The following APBB1IP variants were observed in gnomAD, a reference collection of about 807,000 sequenced individuals.
APBB1IP encodes amyloid beta A4 precursor protein-binding family B member 1-interacting protein.
In APBB1IP, 27 loss-of-function variants were observed where a neutral mutation model predicts 64.9. The ratio of observed to expected loss-of-function variants is 0.42; its 90% CI spans 0.31 to 0.57. APBB1IP has a LOEUF of 0.57. Ranked by LOEUF, APBB1IP falls within the 20% of genes least tolerant of loss-of-function variation. The pLI, the probability that APBB1IP is intolerant of heterozygous loss-of-function variation, is 0.20. For missense variants in APBB1IP, 812 were observed against 845.5 expected, an observed-to-expected ratio of 0.96 and a Z score of 0.49; for synonymous variants, 392 against 331.0, an observed-to-expected ratio of 1.18 and a Z score of -2.00.
chr10:26,465,631 T>G (rs1321373048), intron 2 of APBB1IP, among the ~76,000 whole-genome samples: 1 of 152,224 alleles, frequency 6.6e-6, no homozygotes, highest in Non-Finnish European at 1.5e-5. Context: ...ATTGTTAATG[T>G]TCATCACTTA....
chr10:26,540,355 G>C (rs778637547), intron 10 of APBB1IP, among the ~76,000 whole-genome samples: 1 of 152,126 alleles, frequency 6.6e-6, no homozygotes, highest in African/African-American at 2.4e-5. Flanking sequence ...AAGGCGGATC[G>C]CTTGAGCTCA....
intron 8 of APBB1IP, among the ~76,000 whole-genome samples, chr10:26,530,703 T>A (rs1004130438): frequency 6.6e-6 from 1 of 151,084 alleles, no homozygotes. Context: ...AAAAAAAAAA[T>A]TATTTAATAA....
At position 26,438,698 on chromosome 10, in the gene APBB1IP, C is replaced by G. The variant is rs1364596594; in HGVS notation, c.-156C>G. 1 of 152,242 alleles carries G rather than the reference C, an allele frequency of 6.6e-6. No individual in the cohort carries two copies. The highest frequency in any genetic ancestry group is 1.5e-5 in the Non-Finnish European group (1 of 68,110). The allele number at this position is 152,242 out of a possible 1,614,324, so 9.4% of individuals were successfully genotyped here. Reference sequence around the variant, plus strand: ...GCAAAGCAGCTCGGATAGCGCCACACGTCTGCGCGCTGCGTGGGAAGGGCA... The same window carrying G: ...GCAAAGCAGCTCGGATAGCGCCACAGGTCTGCGCGCTGCGTGGGAAGGGCA... On this transcript the variant is annotated 5_prime_UTR_variant, in exon 2 of 15. Coordinates refer to ENST00000376236, the MANE Select transcript of APBB1IP (RefSeq NM_019043.4).
intron 8 of APBB1IP, among the ~76,000 whole-genome samples, chr10:26,522,050 C>G (rs1209849765): frequency 6.6e-6 from 1 of 152,184 alleles, no homozygotes; most frequent in Non-Finnish European, 1.5e-5. Context: ...TGCACCCAGC[C>G]TACAAGTTTA....
At chr10:26,497,984 C>T (rs1457417621) in intron 4 of APBB1IP, among the ~76,000 whole-genome samples, 5 of 152,080 alleles carry the variant, frequency 3.3e-5, no homozygotes, top group Non-Finnish European at 7.4e-5. Context: ...GTTTCAGCCT[C>T]CCAAAGTGCT....
chr10:26,493,497 C>T (rs1835982706), intron 3 of APBB1IP, among the ~76,000 whole-genome samples: 1 of 152,174 alleles, frequency 6.6e-6, no homozygotes, highest in Non-Finnish European at 1.5e-5. Context: ...AATAAACGTC[C>T]ATGAAATCTT....
intron 8 of APBB1IP, among the ~76,000 whole-genome samples, chr10:26,527,559 GA>G (rs946509710): frequency 6.9e-6 from 1 of 145,202 alleles, no homozygotes; most frequent in Non-Finnish European, 1.5e-5. Context: ...AAAAAAAAAA[GA>G]AAAAAATACT....
intron 9 of APBB1IP, among the ~76,000 whole-genome samples, chr10:26,535,052 T>C (rs1046760082): frequency 6.6e-6 from 1 of 152,128 alleles, no homozygotes; most frequent in Non-Finnish European, 1.5e-5. Flanking sequence ...TGTTGAGAGT[T>C]ATAAAAAGAA....
intron 6 of APBB1IP, among the ~76,000 whole-genome samples, chr10:26,509,131 C>A (rs138787015): frequency 2.2e-4 from 33 of 152,320 alleles, no homozygotes; most frequent in African/African-American, 7.9e-4. Context: ...TGAAGAATTT[C>A]TCTATTTCCA....
chr10:26,535,855 A>G lies in APBB1IP; in HGVS notation c.901-219A>G, dbSNP rs569753673. On this transcript the variant is annotated intron_variant, in intron 9 of 14. Coordinates refer to ENST00000376236, the MANE Select transcript of APBB1IP (RefSeq NM_019043.4). Reference sequence around the variant, plus strand: ...ACGGTCACAGAGTTAAGTGGTGAAGAGGCCTTGAGGTCTAACTCAGGAGCC... The same window carrying G: ...ACGGTCACAGAGTTAAGTGGTGAAGGGGCCTTGAGGTCTAACTCAGGAGCC... Among the ~76,000 whole-genome samples the G allele has an allele frequency of 6.6e-5, 10 of 152,318 alleles. No homozygotes were observed. The East Asian group carries it at 1.9e-3, about 29-fold the overall frequency.
chr10:26,484,366 G>C (rs1564357619), intron 2 of APBB1IP, among the ~76,000 whole-genome samples: 1 of 152,248 alleles, frequency 6.6e-6, no homozygotes, highest in East Asian at 1.9e-4. Flanking sequence ...AGTGCAGCAC[G>C]ACCTCAGCTC....
At chr10:26,500,778 C>T (rs760554014) in intron 4 of APBB1IP, 41 bp from the exon 5 acceptor site, 1 of 1,547,532 alleles carries the variant, frequency 6.5e-7, no homozygotes. Context: ...TTTCCAGATG[C>T]AAATAGGTTT....
chr10:26,474,796 C>T (rs1430281812), intron 2 of APBB1IP, among the ~76,000 whole-genome samples: 1 of 152,202 alleles, frequency 6.6e-6, no homozygotes, highest in Non-Finnish European at 1.5e-5. Flanking sequence ...TGCTCAAAAT[C>T]TTGTGATTAC....
At chr10:26,445,214 TC>T (rs1218140179) in intron 2 of APBB1IP, among the ~76,000 whole-genome samples, 441 of 151,524 alleles carry the variant, frequency 2.9e-3, no homozygotes, top group African/African-American at 0.01. Context: ...TAAAACAAAG[TC>T]TTTGCAATCC....
intron 8 of APBB1IP, among the ~76,000 whole-genome samples, chr10:26,528,123 G>A (rs918409654): frequency 2.6e-5 from 4 of 152,090 alleles, no homozygotes; most frequent in Admixed American, 1.3e-4. Context: ...TCCATGCATC[G>A]TCCCATCTGC....
At chr10:26,510,159 G>A (rs1404502389) in intron 6 of APBB1IP, among the ~76,000 whole-genome samples, 2 of 152,124 alleles carry the variant, frequency 1.3e-5, no homozygotes, top group South Asian at 2.1e-4. Context: ...TAGTAGAGAC[G>A]GGGTTTCATC....
intron 14 of APBB1IP, among the ~76,000 whole-genome samples, chr10:26,565,457 A>G (rs1475778428): frequency 6.6e-6 from 1 of 152,158 alleles, no homozygotes; most frequent in Non-Finnish European, 1.5e-5. Flanking sequence ...ACCCCACAAG[A>G]GATATACCAC....
intron 2 of APBB1IP, among the ~76,000 whole-genome samples, chr10:26,449,238 G>T (rs11015115): frequency 0.031 from 4,693 of 152,238 alleles, 235 homozygotes; most frequent in African/African-American, 0.11. Context: ...GTCTCCAGGT[G>T]CATGAAGATG....
intron 2 of APBB1IP, among the ~76,000 whole-genome samples, chr10:26,492,028 C>T (rs930356172): frequency 1.3e-5 from 2 of 152,144 alleles, no homozygotes; most frequent in Admixed American, 1.3e-4. Context: ...TCCCCTAGTG[C>T]TGGGATTACA....
Sources: allele counts gnomAD v4.1 joint callset (sites outside exome capture counted in the v4.1 genomes callset), GRCh38; gene constraint gnomAD v4.1.1; transcripts MANE v1.5; gene names NCBI Gene and HGNC (gene_info 2026-07-23, HGNC 2026-07-21).